DCC: variants seen among roughly 807,000 people sequenced by gnomAD.
DCC encodes the protein netrin receptor DCC.
A neutral mutation model predicts 172.5 loss-of-function variants in DCC; 58 were observed. That is an observed-to-expected ratio of 0.34 (90% CI 0.27 to 0.42). The LOEUF (loss-of-function observed/expected upper bound fraction) is 0.42. Among genes scored for constraint, DCC ranks in the 10% least tolerant of loss-of-function variants. The pLI is 1.00. For synonymous variants in DCC, 709 were observed against 644.5 expected (o/e 1.10, Z -1.52); for missense variants, 1,740 against 1,791.0 (o/e 0.97, Z 0.51).
intron 1 of DCC, among the ~76,000 whole-genome samples, chr18:52,507,278 A>T (rs140476324): frequency 1.6e-4 from 24 of 152,282 alleles, no homozygotes; most frequent in African/African-American, 4.8e-4. Context: ...GGTGAACAGG[A>T]CTAAGATGTT....
intron 12 of DCC, among the ~76,000 whole-genome samples, chr18:53,294,165 A>G (rs1453149971): frequency 6.6e-6 from 1 of 152,246 alleles, no homozygotes; most frequent in Non-Finnish European, 1.5e-5. Flanking sequence ...GCTAAAAAAT[A>G]TAAAAATGGA....
At chr18:52,737,151 AT>A (rs895324895) in intron 1 of DCC, among the ~76,000 whole-genome samples, 40 of 152,090 alleles carry the variant, frequency 2.6e-4, no homozygotes, top group Non-Finnish European at 1.0e-4. Context: ...AGTCTTACTG[AT>A]TTTTTTTATA....
At chr18:53,318,801 A>G (rs1476580897) in intron 13 of DCC, among the ~76,000 whole-genome samples, 1 of 148,402 alleles carries the variant, frequency 6.7e-6, no homozygotes, top group East Asian at 2.0e-4. Flanking sequence ...ACCCCAAGAT[A>G]CATAATGGTC....
intron 5 of DCC, among the ~76,000 whole-genome samples, chr18:53,030,844 A>G (rs567323740): frequency 2.6e-5 from 4 of 152,320 alleles, no homozygotes; most frequent in Middle Eastern, 3.4e-3. Context: ...AATGAAATAC[A>G]TATACCTGCA....
intron 5 of DCC, among the ~76,000 whole-genome samples, chr18:52,968,351 T>C (rs1458673802): frequency 6.6e-6 from 1 of 152,104 alleles, no homozygotes; most frequent in Non-Finnish European, 1.5e-5. Context: ...AAAAGTATTA[T>C]ATAGAGGAGA....
At chr18:52,771,172 G>A (rs999426658) in intron 2 of DCC, among the ~76,000 whole-genome samples, 1 of 152,196 alleles carries the variant, frequency 6.6e-6, no homozygotes, top group Non-Finnish European at 1.5e-5. Context: ...CCCAGCATTA[G>A]AGCTGGTGCT....
At chr18:52,997,354 G>C (rs2041498281) in intron 5 of DCC, among the ~76,000 whole-genome samples, 2 of 152,030 alleles carry the variant, frequency 1.3e-5, no homozygotes. Flanking sequence ...ACAAATCTGG[G>C]TAAAAGAGTT....
intron 2 of DCC, among the ~76,000 whole-genome samples, chr18:52,789,665 C>G (rs750425065): frequency 3.3e-5 from 5 of 152,104 alleles, no homozygotes; most frequent in Non-Finnish European, 7.4e-5. Context: ...AAGGTATTTT[C>G]AAAGTGGTGG....
chr18:53,096,495 C>A (rs1482292651), intron 7 of DCC, among the ~76,000 whole-genome samples: 3 of 152,022 alleles, frequency 2.0e-5, no homozygotes, highest in Non-Finnish European at 4.4e-5. Context: ...TTTGAATTTG[C>A]AGTTGAATGG....
intron 2 of DCC, among the ~76,000 whole-genome samples, chr18:52,894,209 C>T (rs988611601): frequency 3.3e-5 from 5 of 152,072 alleles, no homozygotes; most frequent in Admixed American, 2.0e-4. Flanking sequence ...GCTCCACCAG[C>T]ATCTTTCATT....
At position 53,433,232 on chromosome 18, in the gene DCC, G is replaced by T. The variant is rs190048252; in HGVS notation, c.3164-1912G>T. 6.9e-3 allele frequency among the ~76,000 whole-genome samples: 1,055 copies of T among 152,162 alleles called. 3 individuals carry two copies. The highest frequency in any genetic ancestry group is 0.012 in the Non-Finnish European group (795 of 68,004). On this transcript the variant is annotated intron_variant, in intron 21 of 28. Coordinates refer to ENST00000442544, the MANE Select transcript of DCC (RefSeq NM_005215.4). Reference sequence around the variant, plus strand: ...ATTTCTTCTACCTATTGAAATTCACGATGTAATCAATAGCCTCACTAAATC... The same window carrying T: ...ATTTCTTCTACCTATTGAAATTCACTATGTAATCAATAGCCTCACTAAATC...
At chr18:53,089,246 C>T (rs1018912194) in intron 7 of DCC, among the ~76,000 whole-genome samples, 1 of 152,020 alleles carries the variant, frequency 6.6e-6, no homozygotes, top group Non-Finnish European at 1.5e-5. Flanking sequence ...CCACCACACC[C>T]GGCTAATTTT....
intron 15 of DCC, among the ~76,000 whole-genome samples, chr18:53,359,046 G>A (rs1011244232): frequency 2.0e-4 from 30 of 152,212 alleles, no homozygotes; most frequent in Middle Eastern, 3.4e-3. Context: ...CTCATGGGAC[G>A]ATATGTTATG....
chr18:52,846,475 G>T (rs2038891679), intron 2 of DCC, among the ~76,000 whole-genome samples: 1 of 152,026 alleles, frequency 6.6e-6, no homozygotes, highest in Non-Finnish European at 1.5e-5. Flanking sequence ...GAAGGCTGAG[G>T]CTGCAGTGAG....
chr18:52,458,697 T>G (rs923708052), intron 1 of DCC, among the ~76,000 whole-genome samples: 1 of 152,176 alleles, frequency 6.6e-6, no homozygotes, highest in Non-Finnish European at 1.5e-5. Context: ...ATTCCTTATC[T>G]AGAAGATGCT....
At chr18:53,321,938 G>A in intron 13 of DCC, 109 bp from the exon 14 acceptor site, 5 of 770,348 alleles carry the variant, frequency 6.5e-6, no homozygotes. Flanking sequence ...CACAAACAAT[G>A]TAAAGCATGT....
chr18:52,671,762 C>T (rs1434824991), intron 1 of DCC, among the ~76,000 whole-genome samples: 1 of 152,092 alleles, frequency 6.6e-6, no homozygotes, highest in East Asian at 1.9e-4. Flanking sequence ...TCTCGAACTC[C>T]TGACCTCAAG....
chr18:53,021,891 A>T (rs2041886699), intron 5 of DCC, among the ~76,000 whole-genome samples: 1 of 152,182 alleles, frequency 6.6e-6, no homozygotes, highest in African/African-American at 2.4e-5. Context: ...TTTTATTTGG[A>T]CTTTATTCAA....
chr18:53,476,284 T>C (rs996688335), intron 25 of DCC, among the ~76,000 whole-genome samples: 2 of 152,142 alleles, frequency 1.3e-5, no homozygotes, highest in Non-Finnish European at 2.9e-5. Flanking sequence ...GATTAGTTTT[T>C]AAATGTGAGA....
Sources: allele counts gnomAD v4.1 joint callset (sites outside exome capture counted in the v4.1 genomes callset), GRCh38; gene constraint gnomAD v4.1.1; transcripts MANE v1.5; gene names NCBI Gene and HGNC (gene_info 2026-07-23, HGNC 2026-07-21).